Variants in LARP1 observed in about 807,000 individuals in gnomAD.
LARP1 encodes the protein la-related protein 1.
Under a neutral mutation model 122.7 loss-of-function variants are expected in LARP1, and 36 were observed. The observed-to-expected ratio is 0.29, with a 90% CI of 0.22 to 0.39. LARP1 has a LOEUF of 0.39. LARP1 is among the 10% of genes least tolerant of loss of function. The pLI is 1.00. For missense variants in LARP1, 1,040 were observed against 1,403.6 expected (o/e 0.74, Z 4.14); for synonymous variants, 539 against 528.7 (o/e 1.02, Z -0.27).
intron 1 of LARP1, among the ~76,000 whole-genome samples, chr5:154,770,695 C>A (rs756489397): frequency 1.3e-5 from 2 of 152,106 alleles, no homozygotes; most frequent in Admixed American, 6.5e-5. Flanking sequence ...CAGGTAAGAT[C>A]CTTAGGGCAG....
chr5:154,715,718 G>T (rs184039987), intron 1 of LARP1, among the ~76,000 whole-genome samples: 1 of 152,238 alleles, frequency 6.6e-6, no homozygotes, highest in East Asian at 1.9e-4. Flanking sequence ...CAGGGACACC[G>T]AATGACCAAA....
At chr5:154,807,676 GA>G (rs1302478140) in intron 15 of LARP1, among the ~76,000 whole-genome samples, 2 of 152,066 alleles carry the variant, frequency 1.3e-5, no homozygotes, top group Admixed American at 1.3e-4. Context: ...TCAGCCTCCT[GA>G]GTAGCTGGGA....
intron 1 of LARP1, among the ~76,000 whole-genome samples, chr5:154,692,212 C>G (rs1270797745): frequency 6.6e-6 from 1 of 152,204 alleles, no homozygotes; most frequent in Non-Finnish European, 1.5e-5. Context: ...TCCCCAGTTT[C>G]GCGTTCTTCC....
chr5:154,790,964 C>T (rs1238112794), intron 3 of LARP1, among the ~76,000 whole-genome samples: 3 of 151,666 alleles, frequency 2.0e-5, no homozygotes, highest in African/African-American at 7.3e-5. Flanking sequence ...ATTACAGGCG[C>T]TCACCACCAT....
intron 1 of LARP1, among the ~76,000 whole-genome samples, chr5:154,739,036 G>A (rs1252589470): frequency 6.6e-6 from 1 of 152,142 alleles, no homozygotes; most frequent in Non-Finnish European, 1.5e-5. Flanking sequence ...GTTTGTTTGA[G>A]ACAGAGTCTT....
intron 1 of LARP1, among the ~76,000 whole-genome samples, chr5:154,694,064 G>A (rs1754359472): frequency 6.6e-6 from 1 of 152,002 alleles, no homozygotes; most frequent in Non-Finnish European, 1.5e-5. Flanking sequence ...AAGCCAGAAT[G>A]TGAAACAGTT....
chr5:154,697,215 T>C (rs1205959477), intron 1 of LARP1, among the ~76,000 whole-genome samples: 1 of 151,372 alleles, frequency 6.6e-6, no homozygotes, highest in East Asian at 1.9e-4. Context: ...TTTTTTTTTT[T>C]TTCTTCTCTT....
At chr5:154,760,392 TC>T (rs1754355325) in intron 1 of LARP1, among the ~76,000 whole-genome samples, 1 of 152,206 alleles carries the variant, frequency 6.6e-6, no homozygotes, top group South Asian at 2.1e-4. Flanking sequence ...AAAATTTTTT[TC>T]TAAAACTCCC....
At chr5:154,759,195 A>G (rs553594924) in intron 1 of LARP1, among the ~76,000 whole-genome samples, 5 of 152,194 alleles carry the variant, frequency 3.3e-5, no homozygotes, top group African/African-American at 1.2e-4. Flanking sequence ...TCATGGGGGT[A>G]TTACCAGCAT....
At chr5:154,699,199 A>G (rs1249695220) in intron 1 of LARP1, among the ~76,000 whole-genome samples, 1 of 152,222 alleles carries the variant, frequency 6.6e-6, no homozygotes, top group East Asian at 1.9e-4. Flanking sequence ...CTCCAGAATA[A>G]AGTAACTCCT....
intron 8 of LARP1, among the ~76,000 whole-genome samples, chr5:154,798,305 C>T (rs1408435499): frequency 6.6e-6 from 1 of 152,198 alleles, no homozygotes; most frequent in Non-Finnish European, 1.5e-5. Flanking sequence ...AAGAAAAAAG[C>T]AAATGCCTCT....
At chr5:154,717,263 C>G (rs1399948706) in intron 1 of LARP1, among the ~76,000 whole-genome samples, 1 of 152,048 alleles carries the variant, frequency 6.6e-6, no homozygotes, top group East Asian at 1.9e-4. Flanking sequence ...CCCTACCATT[C>G]CCTACTATTC....
At chr5:154,690,579 C>G (rs1475886809) in intron 1 of LARP1, among the ~76,000 whole-genome samples, 1 of 152,210 alleles carries the variant, frequency 6.6e-6, no homozygotes, top group Non-Finnish European at 1.5e-5. Flanking sequence ...TGAACTCGGT[C>G]CGCCCGGCCC....
intron 1 of LARP1, among the ~76,000 whole-genome samples, chr5:154,780,956 G>A (rs565758408): frequency 1.3e-5 from 2 of 152,258 alleles, no homozygotes; most frequent in South Asian, 2.1e-4. Context: ...CCAGCTACTC[G>A]GGAGGCTGAG....
Position 154,814,819 on chromosome 5 carries a change from A to G in LARP1, c.*723A>G, listed in dbSNP as rs908837235. The G allele has an allele frequency of 2.0e-5, 3 of 150,658 alleles. No homozygotes were observed. The highest frequency in any genetic ancestry group is 6.7e-5 in the Admixed American group (1 of 14,912). The allele number at this position is 150,658 out of a possible 1,614,324, so 9.3% of individuals were successfully genotyped here. On this transcript the variant is annotated 3_prime_UTR_variant, in exon 19 of 19. Coordinates refer to ENST00000518297, the MANE Select transcript of LARP1 (RefSeq NM_033551.3). ...AGGAAAGACTATTGAAAGATGTTTT[A>G]TTTTATTTTTCTCTGACCTTTCCAT...
chr5:154,808,434 C>G, intron 15 of LARP1, 25 bp from the exon 16 acceptor site: 1 of 1,607,238 alleles, frequency 6.2e-7, no homozygotes, highest in Non-Finnish European at 8.5e-7. Context: ...CTGAGACATG[C>G]CTTTCCTCCT....
At chr5:154,767,170 TGCTAA>T (rs367606593) in intron 1 of LARP1, among the ~76,000 whole-genome samples, 61 of 152,328 alleles carry the variant, frequency 4.0e-4, no homozygotes, top group African/African-American at 1.4e-3. Flanking sequence ...TTGGATAGGT[TGCTAA>T]CTTCTGGGCT....
intron 1 of LARP1, among the ~76,000 whole-genome samples, chr5:154,776,331 T>C (rs1755880139): frequency 6.6e-6 from 1 of 152,206 alleles, no homozygotes; most frequent in Admixed American, 6.5e-5. Context: ...GACTGATCCC[T>C]TGTGACCTCA....
chr5:154,687,396 T>C (rs1361879131), intron 1 of LARP1, among the ~76,000 whole-genome samples: 1 of 152,190 alleles, frequency 6.6e-6, no homozygotes, highest in Non-Finnish European at 1.5e-5. Flanking sequence ...GTGTGTGTGT[T>C]TGTGAGACGG....
Sources: gnomAD v4.1 joint callset for allele counts (sites outside exome capture counted in the v4.1 genomes callset) on GRCh38, gnomAD v4.1.1 for gene constraint, MANE v1.5 for transcripts, NCBI Gene and HGNC (gene_info 2026-07-23, HGNC 2026-07-21) for gene names.